The following FGGY variants were observed in gnomAD, a reference collection of about 807,000 sequenced individuals.
FGGY encodes FGGY carbohydrate kinase domain containing.
FGGY carries 72 observed loss-of-function variants against 71.3 expected under a neutral mutation model. The observed-to-expected ratio is 1.01, with a 90% CI of 0.84 to 1.23. FGGY has a LOEUF of 1.23. Ranked by LOEUF, FGGY falls within the 50% of genes most tolerant of loss-of-function variation. FGGY has a pLI of 0.00. For synonymous variants in FGGY, 251 were observed against 250.3 expected, an observed-to-expected ratio of 1.00 and a Z score of -0.02; for missense variants, 668 against 682.3, an observed-to-expected ratio of 0.98 and a Z score of 0.23.
At chr1:59,748,230 G>T (rs1425969589) in intron 14 of FGGY, among the ~76,000 whole-genome samples, 1 of 151,922 alleles carries the variant, frequency 6.6e-6, no homozygotes, top group Non-Finnish European at 1.5e-5. Flanking sequence ...GGAGAGCAGA[G>T]GTGAGGACCA....
At chr1:59,298,849 G>A (rs558447237) in intron 1 of FGGY, among the ~76,000 whole-genome samples, 56 of 152,284 alleles carry the variant, frequency 3.7e-4, no homozygotes, top group African/African-American at 1.3e-3. Context: ...ATCAACCCAG[G>A]TGGTGTCAGA....
intron 5 of FGGY, among the ~76,000 whole-genome samples, chr1:59,399,175 A>G (rs2061655123): frequency 6.6e-6 from 1 of 152,170 alleles, no homozygotes; most frequent in Non-Finnish European, 1.5e-5. Context: ...AAGCATTGAC[A>G]CAGTAATGCT....
intron 5 of FGGY, among the ~76,000 whole-genome samples, chr1:59,408,443 T>C (rs1047851053): frequency 6.6e-6 from 1 of 152,186 alleles, no homozygotes; most frequent in Non-Finnish European, 1.5e-5. Context: ...TGTAGACACT[T>C]TTGATCTTGC....
chr1:59,340,786 T>C (rs2050508097), intron 3 of FGGY, among the ~76,000 whole-genome samples: 1 of 152,130 alleles, frequency 6.6e-6, no homozygotes, highest in East Asian at 1.9e-4. Context: ...AGATGGGTAA[T>C]GTAAATGAGT....
chr1:59,340,181 G>C, intron 3 of FGGY, 112 bp downstream of exon 3: 1 of 694,432 alleles, frequency 1.4e-6, no homozygotes, highest in Non-Finnish European at 2.5e-6. Flanking sequence ...GTAAAATTTA[G>C]AGGTAGAGTG....
intron 15 of FGGY, among the ~76,000 whole-genome samples, chr1:59,760,188 C>G (rs34420078): frequency 0.26 from 38,842 of 152,082 alleles, 5,058 homozygotes; most frequent in Middle Eastern, 0.36. Flanking sequence ...TATAAATGAC[C>G]AGTAAGCACG....
At chr1:59,443,909 G>A (rs951027367) in intron 5 of FGGY, among the ~76,000 whole-genome samples, 4 of 152,190 alleles carry the variant, frequency 2.6e-5, no homozygotes, top group African/African-American at 9.7e-5. Flanking sequence ...GGACCGTGAA[G>A]CAAAGGGGTT....
At chr1:59,488,697 G>C (rs1054646365) in intron 6 of FGGY, among the ~76,000 whole-genome samples, 1 of 151,564 alleles carries the variant, frequency 6.6e-6, no homozygotes, top group Non-Finnish European at 1.5e-5. Flanking sequence ...ACTGTGTAAC[G>C]ATTTTTAAAA....
chr1:59,547,687 C>A (rs2095548156), intron 7 of FGGY, among the ~76,000 whole-genome samples: 1 of 152,152 alleles, frequency 6.6e-6, no homozygotes, highest in Admixed American at 6.5e-5. Context: ...ATCTTAGAAC[C>A]TTTAGTCTTT....
intron 7 of FGGY, among the ~76,000 whole-genome samples, chr1:59,517,420 T>C (rs1398925810): frequency 6.6e-6 from 1 of 151,556 alleles, no homozygotes; most frequent in Admixed American, 6.6e-5. Context: ...CGCCCGCCAC[T>C]ATGCCCGGCT....
intron 8 of FGGY, among the ~76,000 whole-genome samples, chr1:59,582,555 C>A (rs1032444368): frequency 6.7e-6 from 1 of 149,598 alleles, no homozygotes; most frequent in African/African-American, 2.5e-5. Flanking sequence ...GCCTATAGCA[C>A]CCTTCCCTCT....
Position 59,667,382 on chromosome 1 carries a change from C to A in FGGY, c.1396C>A (p.Gln466Lys). The A allele has an allele frequency of 6.2e-7, 1 of 1,614,100 alleles. No homozygotes were observed. Among genetic ancestry groups the A allele is most frequent in the Non-Finnish European group, 8.5e-7 (1 of 1,179,988 alleles). ...CCTCAGCAAGAATCCCCTTTTTGTG[C>A]AAATGCATGCGGACATTACTGGTAA... Reference protein sequence around the residue: ...GGLSKNPLFVQMHADITGMPV... With the variant: ...GGLSKNPLFVKMHADITGMPV... Residue 466 changes from glutamine (Q) to lysine (K), a missense_variant, in exon 13 of 16, where the codon CAA (glutamine) becomes AAA (lysine). Transcript: ENST00000303721.
At chr1:59,476,433 A>T (rs1203344154) in intron 6 of FGGY, among the ~76,000 whole-genome samples, 1 of 152,234 alleles carries the variant, frequency 6.6e-6, no homozygotes, top group Admixed American at 6.5e-5. Flanking sequence ...ATGGAATCAG[A>T]GACAGGTCTG....
intron 6 of FGGY, among the ~76,000 whole-genome samples, chr1:59,466,101 A>G (rs184286312): frequency 6.6e-6 from 1 of 152,354 alleles, no homozygotes; most frequent in African/African-American, 2.4e-5. Flanking sequence ...CTGACTTCAA[A>G]CTATACTACA....
intron 13 of FGGY, among the ~76,000 whole-genome samples, chr1:59,669,407 A>G (rs1443211569): frequency 6.6e-6 from 1 of 152,198 alleles, no homozygotes; most frequent in Admixed American, 6.5e-5. Context: ...GAGGAAAGAC[A>G]TAAAAAGAGC....
intron 6 of FGGY, among the ~76,000 whole-genome samples, chr1:59,479,166 G>T (rs1456139462): frequency 1.3e-5 from 2 of 152,090 alleles, no homozygotes; most frequent in Non-Finnish European, 2.9e-5. Context: ...ATCACCCAAG[G>T]TCATATAGCT....
chr1:59,301,706 C>CTTTTTTTTTTTTT (rs34290988), intron 1 of FGGY, among the ~76,000 whole-genome samples: 2 of 55,006 alleles, frequency 3.6e-5, no homozygotes, highest in South Asian at 1.0e-3. Flanking sequence ...TGTGATCATT[C>CTTTTTTTTTTTTT]TTTTTTTTTT....
At chr1:59,586,719 A>G (rs906463845) in intron 8 of FGGY, among the ~76,000 whole-genome samples, 7 of 152,254 alleles carry the variant, frequency 4.6e-5, no homozygotes, top group Admixed American at 2.0e-4. Context: ...CTGGAAAAAA[A>G]GTGGTAGAGA....
chr1:59,753,773 A>G (rs1326082137), intron 14 of FGGY, among the ~76,000 whole-genome samples: 1 of 152,076 alleles, frequency 6.6e-6, no homozygotes, highest in East Asian at 1.9e-4. Context: ...TTATTGAGAT[A>G]GAATACAAAA....
Sources: allele counts gnomAD v4.1 joint callset (sites outside exome capture counted in the v4.1 genomes callset), GRCh38; gene constraint gnomAD v4.1.1; transcripts MANE v1.5; gene names NCBI Gene and HGNC (gene_info 2026-07-23, HGNC 2026-07-21).